The following SHLD2 variants were observed in gnomAD, a reference collection of about 807,000 sequenced individuals.
The protein encoded by SHLD2 is RINN1-REV7-interacting novel NHEJ regulator 2.
SHLD2 carries 30 observed loss-of-function variants against 73.2 expected under a neutral mutation model. The observed-to-expected ratio is 0.41, with a 90% CI of 0.31 to 0.56. The LOEUF is 0.56. Among genes scored for constraint, SHLD2 ranks in the 20% least tolerant of loss-of-function variants. The probability of loss-of-function intolerance (pLI) is 0.28; values close to 1 mark genes in which losing one functional copy is unlikely to be tolerated. For missense variants in SHLD2, 745 were observed against 1,055.9 expected (o/e 0.71, Z 4.08); for synonymous variants, 285 against 370.1 (o/e 0.77, Z 2.64).
chr10:87,164,635 C>T (rs1847073462), intron 4 of SHLD2, among the ~76,000 whole-genome samples: 1 of 151,968 alleles, frequency 6.6e-6, no homozygotes, highest in African/African-American at 2.4e-5. Flanking sequence ...CAGGATAAGC[C>T]TGGAAGTCTA....
In SHLD2 at chr10:87,144,778, C is replaced by A. The variant is rs934176976; in HGVS notation, c.-5-6572C>A. Among the ~76,000 whole-genome samples the A allele has an allele frequency of 6.0e-3, 901 of 149,456 alleles. 9 individuals carry two copies. The highest frequency in any genetic ancestry group is 0.021 in the African/African-American group (855 of 40,664). Reference sequence around the variant, plus strand: ...AGTAGCTGGGACTACAGGCGCCCGCCACCACGCCCAGCTAATTTTTTGTAT... The same window carrying A: ...AGTAGCTGGGACTACAGGCGCCCGCAACCACGCCCAGCTAATTTTTTGTAT... On this transcript the variant is annotated intron_variant, in intron 2 of 9. Coordinates refer to ENST00000298786, the MANE Select transcript of SHLD2 (RefSeq NM_001330112.2).
intron 2 of SHLD2, among the ~76,000 whole-genome samples, chr10:87,100,698 G>A (rs1343760804): frequency 6.6e-6 from 1 of 152,146 alleles, no homozygotes; most frequent in South Asian, 2.1e-4. Context: ...GGCTGATCTC[G>A]AACTCCTTGA....
chr10:87,167,139 GA>G (rs959241969), intron 4 of SHLD2, among the ~76,000 whole-genome samples: 1 of 152,042 alleles, frequency 6.6e-6, no homozygotes, highest in African/African-American at 2.4e-5. Context: ...TGGTTTTAAG[GA>G]TGATCTAGAT....
At chr10:87,095,013 G>T (rs1446925498), upstream of SHLD2, 1 of 148,362 alleles carries the variant, frequency 6.7e-6, no homozygotes, top group African/African-American at 2.5e-5. Flanking sequence ...CTCGCTGGCG[G>T]CAGCGCGCGC....
rs550000485 is a variant in SHLD2, at chr10:87,118,439, A to G, written c.-6+21450A>G. Among the ~76,000 whole-genome samples the G allele has an allele frequency of 4.6e-5, 7 of 151,358 alleles. No homozygotes were observed. The South Asian group carries it at 1.5e-3, about 32-fold the overall frequency. On this transcript the variant is annotated intron_variant, in intron 2 of 9. Transcript: ENST00000298786. ...TCTGTTGATAATACTTAAATGTTATATTTATTTTTCTATTTGAGAGCCTTA... is the reference window on the plus strand; with the variant it reads ...TCTGTTGATAATACTTAAATGTTATGTTTATTTTTCTATTTGAGAGCCTTA...
At chr10:87,156,436 A>G (rs1307403225) in intron 3 of SHLD2, among the ~76,000 whole-genome samples, 1 of 152,186 alleles carries the variant, frequency 6.6e-6, no homozygotes, top group Non-Finnish European at 1.5e-5. Context: ...ACAGTTTGCT[A>G]TTATAACTTC....
chr10:87,187,426 A>G (rs1848687765), intron 9 of SHLD2, among the ~76,000 whole-genome samples: 5 of 152,218 alleles, frequency 3.3e-5, no homozygotes, highest in Admixed American at 3.3e-4. Flanking sequence ...TTCTTAACCT[A>G]CATTTCCTGT....
chr10:87,111,156 T>A (rs868030258), intron 2 of SHLD2, among the ~76,000 whole-genome samples: 5 of 151,640 alleles, frequency 3.3e-5, no homozygotes, highest in Non-Finnish European at 5.9e-5. Flanking sequence ...AAATTAAAAA[T>A]TTTTTTAAAG....
intron 2 of SHLD2, among the ~76,000 whole-genome samples, chr10:87,144,064 C>T (rs1372798128): frequency 6.6e-6 from 1 of 151,918 alleles, no homozygotes; most frequent in Non-Finnish European, 1.5e-5. Flanking sequence ...GGGGTTTCGT[C>T]GTGTTAGCCA....
intron 2 of SHLD2, among the ~76,000 whole-genome samples, chr10:87,130,625 C>T (rs1253106488): frequency 2.6e-5 from 4 of 152,172 alleles, no homozygotes; most frequent in South Asian, 2.1e-4. Context: ...TTTCTACAGG[C>T]GCTATCTGTT....
intron 4 of SHLD2, among the ~76,000 whole-genome samples, chr10:87,159,708 G>T (rs571807307): frequency 6.6e-6 from 1 of 152,296 alleles, no homozygotes; most frequent in East Asian, 1.9e-4. Flanking sequence ...ATTTTCTGAT[G>T]ATGTGGGTCT....
rs1237715238 is a variant in SHLD2 at position 87,168,744 on chromosome 10, G to C, written c.1634-1734G>C. On this transcript the variant is annotated intron_variant, in intron 4 of 9. Coordinates refer to ENST00000298786, the MANE Select transcript of SHLD2 (RefSeq NM_001330112.2). ...GGGAGCTAAACACTGGCTACTCATG[G>C]ACATAGAGGTGGCAACAATACACAC... Among the ~76,000 whole-genome samples the C allele has an allele frequency of 2.0e-5, 3 of 152,254 alleles. No homozygotes were observed. The East Asian group carries it at 5.8e-4, about 29-fold the overall frequency.
At chr10:87,103,777 C>A (rs1227655827) in intron 2 of SHLD2, among the ~76,000 whole-genome samples, 1 of 152,142 alleles carries the variant, frequency 6.6e-6, no homozygotes, top group Non-Finnish European at 1.5e-5. Flanking sequence ...ATCTGCATGG[C>A]TGGTTTGGGT....
chr10:87,134,612 C>T (rs1163794479), intron 2 of SHLD2, among the ~76,000 whole-genome samples: 1 of 152,154 alleles, frequency 6.6e-6, no homozygotes, highest in East Asian at 1.9e-4. Context: ...ATAGATAATA[C>T]CTGAGGCATT....
At chr10:87,170,786 G>A in intron 5 of SHLD2, 54 bp from the exon 6 acceptor site, 3 of 1,612,506 alleles carry the variant, frequency 1.9e-6, no homozygotes, top group African/African-American at 1.3e-5. Context: ...ATTAAAGTAT[G>A]GTATCACGTG....
intron 2 of SHLD2, among the ~76,000 whole-genome samples, chr10:87,121,965 A>G (rs1488645371): frequency 6.6e-6 from 1 of 151,716 alleles, no homozygotes; most frequent in Non-Finnish European, 1.5e-5. Context: ...GGGTTTCGCC[A>G]TGTTGGCCAG....
chr10:87,123,276 C>T (rs1644430096), intron 2 of SHLD2, among the ~76,000 whole-genome samples: 1 of 151,960 alleles, frequency 6.6e-6, no homozygotes, highest in Non-Finnish European at 1.5e-5. Flanking sequence ...TCAATGTCTA[C>T]TTTCTGTTAT....
chr10:87,147,095 A>G (rs541505499), intron 2 of SHLD2, among the ~76,000 whole-genome samples: 1 of 151,828 alleles, frequency 6.6e-6, no homozygotes, highest in African/African-American at 2.4e-5. Flanking sequence ...AAAACAAAAA[A>G]ACCTTGTGTT....
intron 2 of SHLD2, among the ~76,000 whole-genome samples, chr10:87,108,832 G>T (rs1589437588): frequency 6.6e-6 from 1 of 152,160 alleles, no homozygotes; most frequent in Non-Finnish European, 1.5e-5. Context: ...TATGGTAGAT[G>T]GTATTGGTAG....
Sources: allele counts gnomAD v4.1 joint callset (sites outside exome capture counted in the v4.1 genomes callset), GRCh38; gene constraint gnomAD v4.1.1; transcripts MANE v1.5; gene names NCBI Gene and HGNC (gene_info 2026-07-23, HGNC 2026-07-21).